PCDHGA8: variants seen among roughly 807,000 people sequenced by gnomAD.
PCDHGA8 encodes the protein protocadherin gamma-A8.
Under a neutral mutation model 59.2 loss-of-function variants are expected in PCDHGA8, and 45 were observed. The observed-to-expected ratio is 0.76, with a 90% confidence interval of 0.60 to 0.98. PCDHGA8 has a LOEUF of 0.98. PCDHGA8 is among the 50% of genes least tolerant of loss of function. The probability of loss-of-function intolerance (pLI) is 0.00; values close to 1 mark genes in which losing one functional copy is unlikely to be tolerated. For synonymous variants in PCDHGA8, 531 were observed against 519.0 expected (o/e 1.02, Z -0.32); for missense variants, 1,257 against 1,196.2 (o/e 1.05, Z -0.75).
At chr5:141,418,530 G>T in intron 1 of PCDHGA8, 6 of 1,613,952 alleles carry the variant, frequency 3.7e-6, no homozygotes, top group Non-Finnish European at 5.1e-6. Flanking sequence ...CCCCGAAGCG[G>T]TACTGCTCAG....
At position 141,393,778 on chromosome 5, in the gene PCDHGA8, A is replaced by G. The variant is rs756686929; in HGVS notation, c.965A>G (p.Glu322Gly). The change falls in exon 1 of 4, where the codon GAA becomes GGA. Residue 322 changes from glutamate (E) to glycine (G), a missense_variant. Physicochemically the swap from Glu to Gly is moderately conservative, Grantham distance 98 (BLOSUM62 -2). Transcript: ENST00000398604. ...TTTTATGAAATGGAAATACAAGCCG[A>G]AGATGTGGGGGCACTTCTGGGGAGG... is the stretch of plus-strand genomic sequence containing the variant. ...CSFYEMEIQA[E>G]DVGALLGRTK... 1.2e-5 allele frequency: 20 copies of G among 1,613,954 alleles called. No homozygotes were observed. The highest frequency in any genetic ancestry group is 1.7e-5 in the Non-Finnish European group (20 of 1,179,890).
intron 1 of PCDHGA8, among the ~76,000 whole-genome samples, chr5:141,471,107 G>T (rs1023848236): frequency 1.3e-5 from 2 of 148,554 alleles, no homozygotes; most frequent in East Asian, 2.0e-4. Context: ...AGAGTGCAGT[G>T]GTGCGATCTT....
Position 141,394,069 on chromosome 5 carries a change from A to G in PCDHGA8, c.1256A>G (p.Asn419Ser), listed in dbSNP as rs1054107584. 6.2e-7 allele frequency: 1 copy of G among 1,613,862 alleles called. No individual in the cohort carries two copies. Among genetic ancestry groups the G allele is most frequent in the African/African-American group, 1.3e-5 (1 of 75,048 alleles). Residue 419 changes from asparagine (N) to serine (S), a missense_variant, in exon 1 of 4, where the codon AAT (asparagine) becomes AGT (serine). Transcript: ENST00000398604. Reference sequence around the variant, plus strand: ...GACCGAGAAAATGTCTCTATCTACAATATCACAGTGATGGCCTCAGATCTA... The same window carrying G: ...GACCGAGAAAATGTCTCTATCTACAGTATCACAGTGATGGCCTCAGATCTA... ...YLDRENVSIY[N>S]ITVMASDLGT...
At chr5:141,463,075 A>G (rs943294678) in intron 1 of PCDHGA8, among the ~76,000 whole-genome samples, 3 of 152,180 alleles carry the variant, frequency 2.0e-5, no homozygotes, top group East Asian at 1.9e-4. Context: ...ATGAAATTCA[A>G]ACATTTTCCA....
intron 1 of PCDHGA8, chr5:141,418,454 ACTCTG>A (rs2096260396): frequency 3.1e-6 from 5 of 1,613,892 alleles, no homozygotes; most frequent in Non-Finnish European, 4.2e-6. Context: ...ATTGCAGAAG[ACTCTG>A]GACCGAGAAA....
intron 1 of PCDHGA8, chr5:141,468,497 C>T (rs1033597673): frequency 2.0e-5 from 3 of 152,074 alleles, no homozygotes; most frequent in Non-Finnish European, 4.4e-5. Context: ...GGAAGATTTT[C>T]ATGTGGACAA....
intron 1 of PCDHGA8, chr5:141,418,829 C>A: frequency 1.9e-6 from 3 of 1,613,856 alleles, no homozygotes; most frequent in Non-Finnish European, 1.7e-6. Context: ...AGCAAAAGAC[C>A]GAGGATCTCT....
Position 141,431,677 on chromosome 5 carries a change from G to T in PCDHGA8, c.2424+36440G>T. The T allele has an allele frequency of 1.2e-6, 2 of 1,614,236 alleles. No homozygotes were observed. Among genetic ancestry groups the T allele is most frequent in the Non-Finnish European group, 1.7e-6 (2 of 1,180,050 alleles). ...CAGGGACAATATCAACAATAGGGGAGTTGGACCACGAGGAGTCAGGATTCT... is the reference window on the plus strand; with the variant it reads ...CAGGGACAATATCAACAATAGGGGATTTGGACCACGAGGAGTCAGGATTCT... On this transcript the variant is annotated intron_variant, in intron 1 of 3. Coordinates refer to ENST00000398604, the MANE Select transcript of PCDHGA8 (RefSeq NM_032088.2). The surrounding 1 kb of genome is among the most constrained non-coding windows in gnomAD (Gnocchi z 4.8).
At chr5:141,415,002 C>T in intron 1 of PCDHGA8, 2 of 1,613,668 alleles carry the variant, frequency 1.2e-6, no homozygotes, top group East Asian at 2.2e-5. Flanking sequence ...CCTGGCTGTC[C>T]TACCGTCTGC....
At chr5:141,419,547 T>C (rs2096397603) in intron 1 of PCDHGA8, 6 of 1,612,070 alleles carry the variant, frequency 3.7e-6, no homozygotes, top group Non-Finnish European at 5.1e-6. Context: ...CCGCGGGTGC[T>C]GTACCCTGCG....
chr5:141,488,915 G>A (rs942297924), intron 1 of PCDHGA8, among the ~76,000 whole-genome samples: 12 of 152,180 alleles, frequency 7.9e-5, no homozygotes, highest in Non-Finnish European at 2.9e-5. Flanking sequence ...TGTTCCCAAG[G>A]TTTCCAGGAT....
chr5:141,473,944 C>T (rs1279694347), intron 1 of PCDHGA8, among the ~76,000 whole-genome samples: 1 of 152,156 alleles, frequency 6.6e-6, no homozygotes, highest in Non-Finnish European at 1.5e-5. Context: ...TAGCTCAGGC[C>T]TGTAGTCCCA....
chr5:141,414,253 G>A (rs768166537), intron 1 of PCDHGA8: 1 of 1,613,492 alleles, frequency 6.2e-7, no homozygotes, highest in Non-Finnish European at 8.5e-7. Flanking sequence ...ATTTAGTCCA[G>A]TGACTGAAGA....
chr5:141,464,578 A>G (rs2099086989), intron 1 of PCDHGA8, among the ~76,000 whole-genome samples: 1 of 152,164 alleles, frequency 6.6e-6, no homozygotes, highest in Non-Finnish European at 1.5e-5. Flanking sequence ...ATAGATGAGA[A>G]TGTCCATTGT....
In PCDHGA8 at chr5:141,476,040, G is replaced by A; in HGVS notation, c.2425-18767G>A. 2.0e-6 allele frequency: 3 copies of A among 1,488,704 alleles called. No individual in the cohort carries two copies. Among genetic ancestry groups the A allele is most frequent in the Admixed American group, 2.2e-5 (1 of 44,984 alleles). 92.2% of individuals were successfully genotyped at this position (1,488,704 alleles called of 1,614,324 possible). On this transcript the variant is annotated intron_variant, in intron 1 of 3. Coordinates refer to ENST00000398604, the MANE Select transcript of PCDHGA8 (RefSeq NM_032088.2). The surrounding 1 kb of genome is among the most constrained non-coding windows in gnomAD (Gnocchi z 7.6). The stretch of plus-strand genomic sequence containing the variant: ...CGGACTCGGCGCCCAGCGCCCAAGC[G>A]CTAACCCGCTGAAAGTTTCTCAGCG...
intron 1 of PCDHGA8, among the ~76,000 whole-genome samples, chr5:141,450,062 A>G (rs546772416): frequency 1.1e-4 from 15 of 142,322 alleles, no homozygotes; most frequent in African/African-American, 4.0e-4. Flanking sequence ...GCTGGAATGC[A>G]GTGGTATGAT....
Position 141,432,169 on chromosome 5 carries a change from C to T in PCDHGA8, c.2424+36932C>T. On this transcript the variant is annotated intron_variant, in intron 1 of 3. Transcript: ENST00000398604. The surrounding 1 kb of genome is among the most constrained non-coding windows in gnomAD (Gnocchi z 6.0). ...CAGAGAACAATCCCAGAGGAGTTTCCCTCGTCTCTGTGACCGCCCACGACC... is the reference window on the plus strand; with the variant it reads ...CAGAGAACAATCCCAGAGGAGTTTCTCTCGTCTCTGTGACCGCCCACGACC... The T allele has an allele frequency of 6.2e-7, 1 of 1,614,204 alleles. No homozygotes were observed. The highest frequency in any genetic ancestry group is 1.6e-4 in the Middle Eastern group (1 of 6,062).
chr5:141,424,036 C>A, intron 1 of PCDHGA8: 1 of 1,029,606 alleles, frequency 9.7e-7, no homozygotes, highest in Non-Finnish European at 1.2e-6. Context: ...CTTTTTATTT[C>A]CATTTCAATT....
chr5:141,457,058 T>C (rs756862311), intron 1 of PCDHGA8, among the ~76,000 whole-genome samples: 1 of 152,230 alleles, frequency 6.6e-6, no homozygotes, highest in South Asian at 2.1e-4. Flanking sequence ...TCATGCTTCC[T>C]TTTTGCCAGT....
Sources: gnomAD v4.1 joint callset for allele counts (sites outside exome capture counted in the v4.1 genomes callset) on GRCh38, gnomAD v4.1.1 for gene constraint, Gnocchi (gnomAD v3.1) non-coding constraint, MANE v1.5 for transcripts, NCBI Gene and HGNC (gene_info 2026-07-23, HGNC 2026-07-21) for gene names.